Variants in PGA5 observed in about 807,000 individuals in gnomAD.
The protein encoded by PGA5 is pepsinogen A5.
PGA5 carries 19 observed loss-of-function variants against 15.9 expected under a neutral mutation model. The observed-to-expected ratio is 1.19, with a 90% CI of 0.83 to 1.75. The LOEUF (loss-of-function observed/expected upper bound fraction) is 1.75. Among genes scored for constraint, PGA5 ranks in the 40% most tolerant of loss-of-function variants. The probability of loss-of-function intolerance (pLI) is 0.00; values close to 1 mark genes in which losing one functional copy is unlikely to be tolerated. For missense variants in PGA5, 224 were observed against 246.4 expected (o/e 0.91, Z 0.61); for synonymous variants, 92 against 95.8 (o/e 0.96, Z 0.23).
chr11:61,251,024 C>T lies in PGA5; in HGVS notation c.1018-108C>T, dbSNP rs1205846808. 21 of 1,604,180 alleles carry T rather than the reference C, an allele frequency of 1.3e-5. No homozygotes were observed. The Admixed American group carries it at 3.5e-4, about 27-fold the overall frequency. On this transcript the variant is annotated intron_variant, in intron 8 of 8. Transcript: ENST00000312403. ...TGGACACTGAGCCAGGAAGCTCCTC[C>T]TTGCACGTGCCTTACAGCTGGACCA...
intron 6 of PGA5, chr11:61,249,404 G>A: frequency 1.6e-6 from 1 of 625,240 alleles, no homozygotes; most frequent in Non-Finnish European, 2.7e-6. Context: ...TTGCCAGCTA[G>A]GCCGGGAGCT....
At chr11:61,245,718 C>G in intron 4 of PGA5, 1 of 32,332 alleles carries the variant, frequency 3.1e-5, no homozygotes, top group Non-Finnish European at 5.8e-5. Flanking sequence ...CCAGCAAAAT[C>G]TCACCCTGAG....
chr11:61,251,274 T>C lies in PGA5; in HGVS notation c.1160T>C (p.Val387Ala). Residue 387 changes from valine to alanine, a missense_variant, in exon 9 of 9, where the codon GTG becomes GCG. By Grantham distance (64) the Val-to-Ala change is moderately conservative (BLOSUM62 0). Coordinates refer to ENST00000312403, the MANE Select transcript of PGA5 (RefSeq NM_014224.5). The part of the protein sequence containing the change: ...RANNQVGLAP[V>A]A The stretch of plus-strand genomic sequence containing the variant: ...AACAACCAGGTCGGCCTGGCCCCTG[T>C]GGCTTAAGCCTAAGTCTCTTCAGCC... 1 of 1,611,862 alleles carries C rather than the reference T, an allele frequency of 6.2e-7. No homozygotes were observed. The highest frequency in any genetic ancestry group is 1.3e-5 in the African/African-American group (1 of 74,840).
At chr11:61,246,997 A>G (rs923691399) in intron 5 of PGA5, among the ~76,000 whole-genome samples, 5 of 152,042 alleles carry the variant, frequency 3.3e-5, no homozygotes, top group African/African-American at 7.3e-5. Context: ...AAACAAATGA[A>G]CAAAGAATAA....
At position 61,248,616 on chromosome 11, in the gene PGA5, C is replaced by T. The variant is rs1046286371; in HGVS notation, c.773+81C>T. On this transcript the variant is annotated intron_variant, in intron 6 of 8. Transcript: ENST00000312403. ...TATGGATTCATAGCCAATCAGCTTT[C>T]CAGAATCCCCCCAGGAACAGCTGGC... 2.8e-5 allele frequency: 44 copies of T among 1,574,476 alleles called. No homozygotes were observed. The East Asian group carries it at 9.9e-4, about 35-fold the overall frequency.
At chr11:61,249,168 C>G (rs980299865) in intron 6 of PGA5, among the ~76,000 whole-genome samples, 2 of 151,970 alleles carry the variant, frequency 1.3e-5, no homozygotes, top group African/African-American at 4.9e-5. Flanking sequence ...CCCAGCCATG[C>G]TAGAATTTCA....
intron 6 of PGA5, chr11:61,249,449 C>T (rs1268607198): frequency 2.8e-5 from 25 of 880,448 alleles, no homozygotes; most frequent in East Asian, 8.0e-5. Flanking sequence ...TGTCTTGTTT[C>T]GCTTGGCGTT....
chr11:61,248,747 G>A (rs1854100885), intron 6 of PGA5, among the ~76,000 whole-genome samples: 1 of 152,072 alleles, frequency 6.6e-6, no homozygotes, highest in African/African-American at 2.4e-5. Flanking sequence ...GGGAAGCTGA[G>A]ACTCTGCAAG....
chr11:61,251,412 A>G lies in PGA5; in HGVS notation c.*131A>G. On this transcript the variant is annotated 3_prime_UTR_variant, in exon 9 of 9. Transcript: ENST00000312403. ...TCTTGGCCCTGTTCCCTGTCCTACCAATAACGTAGAATAAAAACATAACCC... is the reference window on the plus strand; with the variant it reads ...TCTTGGCCCTGTTCCCTGTCCTACCGATAACGTAGAATAAAAACATAACCC... 1 of 1,452,674 alleles carries G rather than the reference A, an allele frequency of 6.9e-7. No individual in the cohort carries two copies. The highest frequency in any genetic ancestry group is 9.2e-7 in the Non-Finnish European group (1 of 1,085,072). 90.0% of individuals were successfully genotyped at this position (1,452,674 alleles called of 1,614,324 possible).
chr11:61,248,481 G>C lies in PGA5; in HGVS notation c.719G>C (p.Ser240Thr), dbSNP rs751820185. 4 of 1,613,666 alleles carry C rather than the reference G, an allele frequency of 2.5e-6. No individual in the cohort carries two copies. In the East Asian group the frequency reaches 8.9e-5, roughly 36 times the overall value. ...GGIDSSYYTGSLNWVPVTVEG... is the reference protein window; with the variant it reads ...GGIDSSYYTGTLNWVPVTVEG... ...ATTGACTCTTCTTACTACACTGGAA[G>C]TCTGAACTGGGTGCCTGTTACCGTC... Residue 240 changes from serine (S) to threonine (T), a missense_variant, in exon 6 of 9, where the codon AGT becomes ACT. Transcript: ENST00000312403.
intron 5 of PGA5, among the ~76,000 whole-genome samples, chr11:61,247,514 T>C (rs937385728): frequency 6.6e-6 from 1 of 151,950 alleles, no homozygotes; most frequent in Non-Finnish European, 1.5e-5. Context: ...CCTGACCTCG[T>C]GATCCACCTG....
intron 6 of PGA5, 106 bp from the exon 7 acceptor site, chr11:61,249,563 G>T: frequency 1.3e-6 from 2 of 1,593,280 alleles, no homozygotes; most frequent in South Asian, 2.2e-5. Context: ...TCACGCATTG[G>T]CCAATGGATG....
At chr11:61,245,513 G>GGTGGTCGCCGTA in intron 4 of PGA5, 1 of 3,484 alleles carries the variant, frequency 2.9e-4, no homozygotes, top group Admixed American at 9.9e-4. Flanking sequence ...TGTGGGGAGA[G>GGTGGTCGCCGTA]TCAGTAAAGG....
intron 5 of PGA5, among the ~76,000 whole-genome samples, chr11:61,246,519 TACAGCA>T (rs1453037136): frequency 6.6e-6 from 1 of 151,802 alleles, no homozygotes; most frequent in Non-Finnish European, 1.5e-5. Flanking sequence ...ACTTTGGGAT[TACAGCA>T]CTGAGGCGGG....
In PGA5 at chr11:61,251,336, C is replaced by A; in HGVS notation, c.*55C>A. On this transcript the variant is annotated 3_prime_UTR_variant, in exon 9 of 9. Transcript: ENST00000312403. ...AGATCTGGCCTCCGTCCTATGCCCA[C>A]TTTAGATGTATCTAATTCTCCTGAC... is the stretch of plus-strand genomic sequence containing the variant. The A allele has an allele frequency of 6.2e-7, 1 of 1,611,180 alleles. No individual in the cohort carries two copies. The highest frequency in any genetic ancestry group is 8.5e-7 in the Non-Finnish European group (1 of 1,179,414).
At chr11:61,248,757 G>T (rs997366996) in intron 6 of PGA5, among the ~76,000 whole-genome samples, 1 of 152,074 alleles carries the variant, frequency 6.6e-6, no homozygotes, top group Non-Finnish European at 1.5e-5. Context: ...GACTCTGCAA[G>T]GGTGAGATGG....
chr11:61,248,355 C>T (rs543809989), intron 5 of PGA5, 64 bp from the exon 6 acceptor site: 1 of 1,613,846 alleles, frequency 6.2e-7, no homozygotes, highest in African/African-American at 1.3e-5. Context: ...GAGGAGGCAA[C>T]AGCAGATGGT....
At chr11:61,250,520 T>C (rs1854125298) in intron 8 of PGA5, among the ~76,000 whole-genome samples, 1 of 151,552 alleles carries the variant, frequency 6.6e-6, no homozygotes. Flanking sequence ...TCTTTAGCTA[T>C]ACGAGCCACA....
chr11:61,250,522 C>T lies in PGA5; in HGVS notation c.1017+508C>T, dbSNP rs561343535. 7.0e-4 allele frequency among the ~76,000 whole-genome samples: 105 copies of T among 150,874 alleles called. 3 individuals are homozygous for T. Among genetic ancestry groups the T allele is most frequent in the African/African-American group, 2.4e-3 (98 of 40,914 alleles). ...ACCAAGTAGCAAATCTTTAGCTATACGAGCCACAAGAAAACTCTTTCCCTT... is the reference window on the plus strand; with the variant it reads ...ACCAAGTAGCAAATCTTTAGCTATATGAGCCACAAGAAAACTCTTTCCCTT... On this transcript the variant is annotated intron_variant, in intron 8 of 8. Transcript: ENST00000312403.
Sources: allele counts gnomAD v4.1 joint callset (sites outside exome capture counted in the v4.1 genomes callset), GRCh38; gene constraint gnomAD v4.1.1; transcripts MANE v1.5; gene names NCBI Gene and HGNC (gene_info 2026-07-23, HGNC 2026-07-21).